Variants in ASTN2 observed in about 807,000 individuals in gnomAD.
The protein encoded by ASTN2 is astrotactin-2.
ASTN2 carries 54 observed loss-of-function variants against 139.8 expected under a neutral mutation model. The ratio of observed to expected loss-of-function variants is 0.39; its 90% CI spans 0.31 to 0.48. The LOEUF (loss-of-function observed/expected upper bound fraction) is 0.48. ASTN2 is among the 20% of genes least tolerant of loss of function. The probability of loss-of-function intolerance (pLI) is 0.95; values close to 1 mark genes in which losing one functional copy is unlikely to be tolerated. For synonymous variants in ASTN2, 756 were observed against 719.5 expected (o/e 1.05, Z -0.81); for missense variants, 1,565 against 1,725.1 (o/e 0.91, Z 1.64).
intron 20 of ASTN2, among the ~76,000 whole-genome samples, chr9:116,445,975 T>A (rs1847975670): frequency 6.6e-6 from 1 of 152,164 alleles, no homozygotes; most frequent in Non-Finnish European, 1.5e-5. Flanking sequence ...ATGCGCTTTC[T>A]GCCTGTCTCA....
intron 5 of ASTN2, among the ~76,000 whole-genome samples, chr9:117,064,029 C>A (rs535992765): frequency 6.6e-6 from 1 of 152,036 alleles, no homozygotes; most frequent in East Asian, 1.9e-4. Flanking sequence ...TTTTGGCTGC[C>A]CTGAGCATGT....
At chr9:117,233,810 G>A (rs1434358375) in intron 2 of ASTN2, among the ~76,000 whole-genome samples, 1 of 152,188 alleles carries the variant, frequency 6.6e-6, no homozygotes, top group Non-Finnish European at 1.5e-5. Flanking sequence ...CTTCACTGTG[G>A]ATTATCAATG....
intron 1 of ASTN2, among the ~76,000 whole-genome samples, chr9:117,323,215 T>G (rs1828391747): frequency 6.6e-6 from 1 of 151,974 alleles, no homozygotes; most frequent in Non-Finnish European, 1.5e-5. Flanking sequence ...AAGAACAATT[T>G]CTCCTACAAA....
chr9:116,442,691 A>G, intron 20 of ASTN2, 138 bp from the exon 21 acceptor site: 1 of 713,296 alleles, frequency 1.4e-6, no homozygotes, highest in Non-Finnish European at 2.4e-6. Flanking sequence ...CTTATAAAGC[A>G]TTTATTGAGC....
At chr9:116,489,265 A>T (rs1849435223) in intron 19 of ASTN2, among the ~76,000 whole-genome samples, 1 of 152,104 alleles carries the variant, frequency 6.6e-6, no homozygotes, top group South Asian at 2.1e-4. Context: ...AGCAGAATAT[A>T]CAGATCACTT....
chr9:117,193,596 C>T (rs1016471196), intron 3 of ASTN2, among the ~76,000 whole-genome samples: 1 of 130,552 alleles, frequency 7.7e-6, no homozygotes, highest in African/African-American at 2.9e-5. Flanking sequence ...CAAGATGGTG[C>T]TACTACACAC....
intron 13 of ASTN2, among the ~76,000 whole-genome samples, chr9:116,793,999 G>A (rs962682279): frequency 2.6e-5 from 4 of 151,880 alleles, no homozygotes; most frequent in Admixed American, 2.6e-4. Flanking sequence ...GGGCCATGTT[G>A]GAAGAAGAAA....
At chr9:116,467,544 C>T (rs746997429) in intron 20 of ASTN2, among the ~76,000 whole-genome samples, 19 of 152,350 alleles carry the variant, frequency 1.2e-4, no homozygotes, top group African/African-American at 3.6e-4. Flanking sequence ...GGATTACAGG[C>T]GTAAGCCACT....
chr9:116,794,096 CT>C (rs35428342), intron 13 of ASTN2, among the ~76,000 whole-genome samples: 2,821 of 123,798 alleles, frequency 0.023, 27 homozygotes, highest in African/African-American at 0.046. Context: ...AAATAAACAC[CT>C]TTTTTTTTTT....
At chr9:116,729,171 C>T (rs1828712200) in intron 14 of ASTN2, 75 bp from the exon 15 acceptor site, 1 of 1,178,650 alleles carries the variant, frequency 8.5e-7, no homozygotes, top group Non-Finnish European at 1.2e-6. Context: ...CCCTGCAGCT[C>T]TTGGCTCTGG....
intron 11 of ASTN2, among the ~76,000 whole-genome samples, chr9:116,858,912 A>C (rs1039145839): frequency 6.6e-6 from 1 of 152,174 alleles, no homozygotes; most frequent in Non-Finnish European, 1.5e-5. Context: ...AAGTAACGCA[A>C]ATTTATTATC....
chr9:116,993,876 A>ATT lies in ASTN2; in HGVS notation c.1591+14214_1591+14215dup, dbSNP rs1554767643. ...ATGATATATATATATATATATATATATTTTAACTATATTACTATATATATT... is the reference window on the plus strand; with the variant it reads ...ATGATATATATATATATATATATATATTTTTTAACTATATTACTATATATATT... On this transcript the variant is annotated intron_variant, in intron 7 of 22. Transcript: ENST00000313400. 6.6e-3 allele frequency among the ~76,000 whole-genome samples: 936 copies of ATT among 142,046 alleles called. 10 individuals carry two copies. The highest frequency in any genetic ancestry group is 0.023 in the African/African-American group (903 of 38,852). The allele number at this position is 142,046 out of a possible 152,430, so 93.2% of individuals were successfully genotyped here.
At chr9:116,573,672 C>T (rs556817866) in intron 19 of ASTN2, among the ~76,000 whole-genome samples, 1 of 152,274 alleles carries the variant, frequency 6.6e-6, no homozygotes, top group Admixed American at 6.5e-5. Flanking sequence ...TAGTTAATCT[C>T]TTTGGATCTT....
At chr9:117,088,969 A>G (rs1001472706) in intron 5 of ASTN2, among the ~76,000 whole-genome samples, 1 of 152,126 alleles carries the variant, frequency 6.6e-6, no homozygotes, top group Non-Finnish European at 1.5e-5. Flanking sequence ...TGCACTTCTC[A>G]TCTGGACTTT....
chr9:116,759,658 C>T (rs1344245331), intron 13 of ASTN2, among the ~76,000 whole-genome samples: 2 of 152,182 alleles, frequency 1.3e-5, no homozygotes, highest in East Asian at 1.9e-4. Flanking sequence ...AGAAGCCTGA[C>T]GTGATCACTG....
intron 20 of ASTN2, among the ~76,000 whole-genome samples, chr9:116,481,787 C>T (rs1264832372): frequency 6.6e-6 from 1 of 152,184 alleles, no homozygotes; most frequent in Non-Finnish European, 1.5e-5. Context: ...GAGTCTTCGG[C>T]CCCCAAGCCT....
intron 2 of ASTN2, among the ~76,000 whole-genome samples, chr9:117,221,563 G>A (rs528061738): frequency 6.6e-6 from 1 of 152,312 alleles, no homozygotes; most frequent in South Asian, 2.1e-4. Context: ...GTTCTGCAGT[G>A]ATAAGAACAC....
At chr9:117,007,109 C>A (rs1837376531) in intron 7 of ASTN2, among the ~76,000 whole-genome samples, 1 of 152,088 alleles carries the variant, frequency 6.6e-6, no homozygotes. Flanking sequence ...GCCTGGAACA[C>A]GTCCCTCGGA....
In ASTN2 at chr9:116,698,504, G is replaced by A. The variant is rs747057835; in HGVS notation, c.2806+27267C>T. The stretch of plus-strand genomic sequence containing the variant: ...TCAAGCAGGCAGATGTAGCACTACT[G>A]GAGGAGACAGCTGATGAGGAGGAGC... On this transcript the variant is annotated intron_variant, in intron 16 of 22. Transcript: ENST00000313400. This position sits in a 1 kb window ranked among gnomAD's most constrained non-coding sequence, Gnocchi z 4.4. The A allele has an allele frequency of 6.2e-7, 1 of 1,613,704 alleles. No homozygotes were observed. Among genetic ancestry groups the A allele is most frequent in the Non-Finnish European group, 8.5e-7 (1 of 1,180,022 alleles).
Sources: allele counts gnomAD v4.1 joint callset (sites outside exome capture counted in the v4.1 genomes callset), GRCh38; gene constraint gnomAD v4.1.1; non-coding constraint Gnocchi (gnomAD v3.1); transcripts MANE v1.5; gene names NCBI Gene and HGNC (gene_info 2026-07-23, HGNC 2026-07-21).